SUGCT: variants seen among roughly 807,000 people sequenced by gnomAD.
The protein encoded by SUGCT is succinyl-CoA:glutarate-CoA transferase, also known as succinyl-CoA:glutarate CoA-transferase.
A neutral mutation model predicts 55.0 loss-of-function variants in SUGCT; 41 were observed. The observed-to-expected ratio is 0.74, with a 90% CI of 0.58 to 0.97. The LOEUF is 0.97. SUGCT is among the 50% of genes least tolerant of loss of function. The pLI, the probability that SUGCT is intolerant of heterozygous loss-of-function variation, is 0.00. For missense variants in SUGCT, 568 were observed against 547.8 expected, an observed-to-expected ratio of 1.04 and a Z score of -0.37; for synonymous variants, 187 against 200.4, an observed-to-expected ratio of 0.93 and a Z score of 0.56.
chr7:40,357,060 T>A (rs1797916410), intron 9 of SUGCT, among the ~76,000 whole-genome samples: 1 of 152,244 alleles, frequency 6.6e-6, no homozygotes, highest in Non-Finnish European at 1.5e-5. Flanking sequence ...GACTCATCAC[T>A]GGTAAATGGT....
chr7:40,942,767 C>A, the SUGCT span, among the ~76,000 whole-genome samples: 1,104 of 149,380 alleles, frequency 7.4e-3, 16 homozygotes, highest in African/African-American at 0.025. Flanking sequence ...AATTCTCTGT[C>A]TTTTTTTTTT....
At chr7:40,208,784 A>G (rs1430107862) in intron 6 of SUGCT, among the ~76,000 whole-genome samples, 1 of 152,070 alleles carries the variant, frequency 6.6e-6, no homozygotes, top group Non-Finnish European at 1.5e-5. Flanking sequence ...AGCTCAGGCA[A>G]TCCGCCCGCC....
chr7:40,597,895 A>T (rs1246459878), intron 12 of SUGCT, among the ~76,000 whole-genome samples: 1 of 152,008 alleles, frequency 6.6e-6, no homozygotes, highest in Non-Finnish European at 1.5e-5. Context: ...ACTATTTTTT[A>T]TTTTCCAGCT....
intron 9 of SUGCT, among the ~76,000 whole-genome samples, chr7:40,386,356 C>T (rs531926919): frequency 5.3e-5 from 8 of 152,268 alleles, no homozygotes; most frequent in South Asian, 2.1e-4. Context: ...ACCATCTTGA[C>T]GGGAATCTCA....
At chr7:40,420,322 GT>G (rs1196132429) in intron 9 of SUGCT, among the ~76,000 whole-genome samples, 1 of 151,538 alleles carries the variant, frequency 6.6e-6, no homozygotes. Context: ...AGAGTATGTA[GT>G]TTTTTTTGTT....
At chr7:40,367,738 G>T (rs544191360) in intron 9 of SUGCT, among the ~76,000 whole-genome samples, 1 of 152,082 alleles carries the variant, frequency 6.6e-6, no homozygotes, top group East Asian at 1.9e-4. Flanking sequence ...TCTGCTGCCC[G>T]ACCGTGGTCT....
chr7:40,916,239 G>T, the SUGCT span, among the ~76,000 whole-genome samples: 2 of 152,178 alleles, frequency 1.3e-5, no homozygotes, highest in African/African-American at 4.8e-5. Flanking sequence ...TTTTGTATGG[G>T]ATCTACTTCT....
intron 9 of SUGCT, among the ~76,000 whole-genome samples, chr7:40,401,684 T>TC (rs1342042204): frequency 3.3e-5 from 5 of 152,300 alleles, no homozygotes; most frequent in Admixed American, 2.0e-4. Flanking sequence ...CAAATTCTGG[T>TC]TTTAGTTAGA....
At chr7:40,156,775 T>C (rs1228309197) in intron 1 of SUGCT, among the ~76,000 whole-genome samples, 1 of 151,994 alleles carries the variant, frequency 6.6e-6, no homozygotes, top group African/African-American at 2.4e-5. Flanking sequence ...GAAGTAAATA[T>C]TGGCTGGACA....
chr7:40,343,374 C>G (rs1156746084), intron 9 of SUGCT, among the ~76,000 whole-genome samples: 1 of 152,042 alleles, frequency 6.6e-6, no homozygotes. Context: ...GTTTATAGAA[C>G]AAATTAATCA....
chr7:40,816,420 AAGTGTT>A (rs1791673900), intron 13 of SUGCT, among the ~76,000 whole-genome samples: 3 of 152,106 alleles, frequency 2.0e-5, no homozygotes, highest in African/African-American at 7.2e-5. Context: ...GGGAGAAACA[AAGTGTT>A]CCCCCTTGGC....
At chr7:40,349,981 C>G (rs987458014) in intron 9 of SUGCT, among the ~76,000 whole-genome samples, 12 of 152,172 alleles carry the variant, frequency 7.9e-5, no homozygotes, top group African/African-American at 2.9e-4. Flanking sequence ...AGCCACTGCA[C>G]CCAGCTTTTC....
chr7:40,671,497 A>C (rs148154310), intron 12 of SUGCT, among the ~76,000 whole-genome samples: 3 of 152,336 alleles, frequency 2.0e-5, no homozygotes, highest in African/African-American at 7.2e-5. Context: ...TTCTAGAACT[A>C]AAGATTGAGT....
intron 9 of SUGCT, among the ~76,000 whole-genome samples, chr7:40,390,998 T>A (rs1015918928): frequency 1.3e-5 from 2 of 152,090 alleles, no homozygotes; most frequent in Non-Finnish European, 2.9e-5. Context: ...CAACCATCTG[T>A]TCTTTGACAA....
At chr7:40,389,867 T>A (rs1785326696) in intron 9 of SUGCT, among the ~76,000 whole-genome samples, 1 of 152,126 alleles carries the variant, frequency 6.6e-6, no homozygotes, top group Admixed American at 6.5e-5. Context: ...CTGATGAACA[T>A]CAATGCAAAA....
intron 1 of SUGCT, among the ~76,000 whole-genome samples, chr7:40,148,611 T>C (rs1463136486): frequency 1.3e-5 from 2 of 152,090 alleles, no homozygotes; most frequent in Non-Finnish European, 2.9e-5. Flanking sequence ...GCCATTGCAC[T>C]CCAGCCTGGG....
intron 12 of SUGCT, among the ~76,000 whole-genome samples, chr7:40,703,355 C>T (rs186275878): frequency 2.0e-4 from 31 of 152,206 alleles, no homozygotes; most frequent in African/African-American, 7.2e-4. Flanking sequence ...TTCTTTTGAA[C>T]AGATTTTTCC....
At chr7:40,585,318 A>T (rs1221476028) in intron 12 of SUGCT, among the ~76,000 whole-genome samples, 1 of 152,176 alleles carries the variant, frequency 6.6e-6, no homozygotes, top group African/African-American at 2.4e-5. Context: ...TTTAAGGTAT[A>T]TTCTGAAATG....
intron 13 of SUGCT, among the ~76,000 whole-genome samples, chr7:40,817,773 G>A (rs931431172): frequency 6.6e-6 from 1 of 152,138 alleles, no homozygotes; most frequent in Non-Finnish European, 1.5e-5. Context: ...GGGTTGAAAT[G>A]AGTAAATAGA....
Sources: allele counts gnomAD v4.1 joint callset (sites outside exome capture counted in the v4.1 genomes callset), GRCh38; gene constraint gnomAD v4.1.1; transcripts MANE v1.5; gene names NCBI Gene and HGNC (gene_info 2026-07-23, HGNC 2026-07-21).